Variants in GRIP1 observed in about 807,000 individuals in gnomAD.
GRIP1 encodes the protein glutamate receptor interacting protein 1.
In GRIP1, 45 loss-of-function variants were observed where a neutral mutation model predicts 129.9. The observed-to-expected ratio is 0.35, with a 90% confidence interval of 0.27 to 0.44. The LOEUF (loss-of-function observed/expected upper bound fraction) is 0.44. GRIP1 is among the 20% of genes least tolerant of loss of function. GRIP1 has a pLI of 1.00. For synonymous variants in GRIP1, 530 were observed against 520.8 expected (o/e 1.02, Z -0.24); for missense variants, 1,196 against 1,396.8 (o/e 0.86, Z 2.29).
At chr12:66,406,522 CT>C in intron 15 of GRIP1, 94 bp from the exon 16 acceptor site, 1 of 1,204,136 alleles carries the variant, frequency 8.3e-7, no homozygotes, top group Non-Finnish European at 1.2e-6. Flanking sequence ...TTATGGTAGT[CT>C]TTAGAGGAAA....
intron 1 of GRIP1, among the ~76,000 whole-genome samples, chr12:66,991,379 A>G (rs1283552099): frequency 6.6e-6 from 1 of 152,246 alleles, no homozygotes; most frequent in African/African-American, 2.4e-5. Context: ...TAATGATTAG[A>G]GACACGGCTT....
intron 1 of GRIP1, among the ~76,000 whole-genome samples, chr12:66,947,093 T>C (rs534089865): frequency 7.9e-5 from 12 of 151,700 alleles, no homozygotes; most frequent in African/African-American, 2.9e-4. Flanking sequence ...CATATCCCCA[T>C]CACCTGAGGG....
At position 66,377,169 on chromosome 12, in the gene GRIP1, G is replaced by A. The variant is rs780543419; in HGVS notation, c.2733+5C>T. 3.8e-6 allele frequency: 6 copies of A among 1,595,080 alleles called. No homozygotes were observed. The African/African-American group carries it at 8.0e-5, about 21-fold the overall frequency. Reference sequence around the variant, plus strand: ...AATAAAAGTAAGTAGCAGGACCAAGGCTACCTCCAGTTCTCTCAGAATTCC... The same window carrying A: ...AATAAAAGTAAGTAGCAGGACCAAGACTACCTCCAGTTCTCTCAGAATTCC... On this transcript the variant is annotated splice_donor_5th_base_variant and intron_variant, in intron 21 of 24. Coordinates refer to ENST00000359742, the MANE Select transcript of GRIP1 (RefSeq NM_001366722.1).
At chr12:66,585,970 C>T (rs1018293937) in intron 2 of GRIP1, among the ~76,000 whole-genome samples, 133 of 152,274 alleles carry the variant, frequency 8.7e-4, no homozygotes, top group Non-Finnish European at 1.4e-3. Context: ...TCCTCCTGCA[C>T]GATTTTCTCT....
At chr12:66,801,398 C>T (rs891638586) in intron 1 of GRIP1, among the ~76,000 whole-genome samples, 1 of 152,080 alleles carries the variant, frequency 6.6e-6, no homozygotes, top group African/African-American at 2.4e-5. Context: ...ATTGTCACTG[C>T]TAAAACTGAG....
chr12:66,601,275 G>A (rs1421120723), intron 1 of GRIP1, among the ~76,000 whole-genome samples: 2 of 152,110 alleles, frequency 1.3e-5, no homozygotes, highest in Middle Eastern at 6.4e-3. Flanking sequence ...AGCAACCAGT[G>A]GGCACCTAAG....
At chr12:66,552,597 T>C (rs963285195) in intron 2 of GRIP1, among the ~76,000 whole-genome samples, 1 of 152,124 alleles carries the variant, frequency 6.6e-6, no homozygotes, top group Non-Finnish European at 1.5e-5. Flanking sequence ...AACTAAATGC[T>C]ACAAAGTTTC....
intron 23 of GRIP1, among the ~76,000 whole-genome samples, chr12:66,365,739 C>T (rs1175766666): frequency 6.6e-6 from 1 of 152,220 alleles, no homozygotes; most frequent in Non-Finnish European, 1.5e-5. Context: ...TTCTGGTATA[C>T]AACCTTATGT....
At chr12:67,022,148 T>C (rs2042876957) in intron 1 of GRIP1, among the ~76,000 whole-genome samples, 1 of 152,218 alleles carries the variant, frequency 6.6e-6, no homozygotes, top group Non-Finnish European at 1.5e-5. Flanking sequence ...CTCTTCCATA[T>C]ACTCTATAGC....
chr12:66,471,102 G>C (rs1411434599), intron 7 of GRIP1, among the ~76,000 whole-genome samples: 1 of 152,208 alleles, frequency 6.6e-6, no homozygotes, highest in Non-Finnish European at 1.5e-5. Context: ...AGACCATATA[G>C]GTCATGGCAG....
intron 14 of GRIP1, among the ~76,000 whole-genome samples, chr12:66,430,057 A>G (rs762710682): frequency 6.6e-6 from 1 of 152,232 alleles, no homozygotes; most frequent in Non-Finnish European, 1.5e-5. Flanking sequence ...CTTGGAGTAC[A>G]TAGTGCTTAG....
chr12:66,585,372 G>A (rs1360672735), intron 2 of GRIP1, among the ~76,000 whole-genome samples: 3 of 134,284 alleles, frequency 2.2e-5, no homozygotes, highest in South Asian at 2.5e-4. Context: ...TTGTTCTTGC[G>A]ATAGTTTACT....
At chr12:67,015,107 T>C (rs2042765845) in intron 1 of GRIP1, among the ~76,000 whole-genome samples, 1 of 152,160 alleles carries the variant, frequency 6.6e-6, no homozygotes, top group South Asian at 2.1e-4. Context: ...GTATAGGTCC[T>C]ATTACCTGAG....
intron 22 of GRIP1, among the ~76,000 whole-genome samples, chr12:66,372,695 C>T (rs960644415): frequency 1.3e-5 from 2 of 151,914 alleles, no homozygotes; most frequent in African/African-American, 4.8e-5. Context: ...TATGTTCTTC[C>T]CTGAATACTT....
intron 7 of GRIP1, among the ~76,000 whole-genome samples, chr12:66,472,866 T>C (rs1273916383): frequency 1.3e-5 from 2 of 152,140 alleles, no homozygotes; most frequent in Admixed American, 6.5e-5. Context: ...TAGGCCACCA[T>C]GGCCCTGGGT....
At chr12:66,409,609 C>T (rs1439592241) in intron 15 of GRIP1, among the ~76,000 whole-genome samples, 1 of 152,196 alleles carries the variant, frequency 6.6e-6, no homozygotes, top group East Asian at 1.9e-4. Context: ...ATAATAAATA[C>T]TTAACAATTC....
intron 1 of GRIP1, among the ~76,000 whole-genome samples, chr12:67,021,354 A>G (rs1314448196): frequency 6.6e-6 from 1 of 152,134 alleles, no homozygotes; most frequent in Non-Finnish European, 1.5e-5. Flanking sequence ...ATTTTAGGCA[A>G]ATGAGATCAT....
chr12:66,515,537 A>G lies in GRIP1; in HGVS notation c.724+82T>C, dbSNP rs572712458. The G allele has an allele frequency of 2.9e-5, 37 of 1,259,378 alleles. No individual in the cohort carries two copies. In the Admixed American group the frequency reaches 4.9e-4, roughly 17 times the overall value. The allele number at this position is 1,259,378 out of a possible 1,614,324, so 78.0% of individuals were successfully genotyped here. A position where few individuals can be genotyped will look rare whatever the true frequency, so the allele number is the denominator to read the frequency against. On this transcript the variant is annotated intron_variant, in intron 7 of 24. Coordinates refer to ENST00000359742, the MANE Select transcript of GRIP1 (RefSeq NM_001366722.1). ...CTGCTCCAGGAGGGCATGACAATAC[A>G]TACTTAATCCAACATGGTTTATCAG...
chr12:66,533,891 T>A (rs1350248507), intron 4 of GRIP1, among the ~76,000 whole-genome samples: 1 of 151,450 alleles, frequency 6.6e-6, no homozygotes, highest in African/African-American at 2.4e-5. Context: ...ACACACACTC[T>A]CTCTCTCTCT....
Sources: allele counts gnomAD v4.1 joint callset (sites outside exome capture counted in the v4.1 genomes callset), GRCh38; gene constraint gnomAD v4.1.1; transcripts MANE v1.5; gene names NCBI Gene and HGNC (gene_info 2026-07-23, HGNC 2026-07-21).